Variants in HSD17B2 observed in about 807,000 individuals in gnomAD.
HSD17B2 encodes the protein 17-beta-hydroxysteroid dehydrogenase type 2.
A neutral mutation model predicts 26.9 loss-of-function variants in HSD17B2; 32 were observed. The ratio of observed to expected loss-of-function variants is 1.19; its 90% CI spans 0.90 to 1.60. The LOEUF (loss-of-function observed/expected upper bound fraction) is 1.60. HSD17B2 is among the 40% of genes most tolerant of loss of function. The pLI, the probability that HSD17B2 is intolerant of heterozygous loss-of-function variation, is 0.00. For missense variants in HSD17B2, 613 were observed against 468.6 expected (o/e 1.31, Z -2.85); for synonymous variants, 246 against 186.7 (o/e 1.32, Z -2.59).
At chr16:82,062,146 G>A (rs762548050) in intron 1 of HSD17B2, among the ~76,000 whole-genome samples, 8 of 152,178 alleles carry the variant, frequency 5.3e-5, no homozygotes, top group Non-Finnish European at 1.2e-4. Flanking sequence ...AATTCAAGGT[G>A]ATTCACATTA....
At chr16:82,044,707 G>A (rs1227835032) in intron 1 of HSD17B2, 1 of 152,352 alleles carries the variant, frequency 6.6e-6, no homozygotes, top group East Asian at 1.9e-4. Context: ...TCCCTGGGGG[G>A]AGGAGGGTAG....
chr16:82,094,619 C>G (rs1401527140), intron 4 of HSD17B2: 2 of 152,182 alleles, frequency 1.3e-5, no homozygotes, highest in Admixed American at 1.3e-4. Flanking sequence ...GAGCAGAAGG[C>G]TGAGAACTCA....
At chr16:82,093,361 T>C (rs975313429) in intron 4 of HSD17B2, 1 of 152,236 alleles carries the variant, frequency 6.6e-6, no homozygotes, top group Non-Finnish European at 1.5e-5. Context: ...GGAATCAATA[T>C]GTATGTATCC....
chr16:82,097,974 G>C (rs1001204620), intron 4 of HSD17B2, 101 bp from the exon 5 acceptor site: 7 of 1,091,728 alleles, frequency 6.4e-6, no homozygotes, highest in Non-Finnish European at 9.0e-6. Context: ...ATAAATAAAC[G>C]TCATTTGCAA....
intron 3 of HSD17B2, among the ~76,000 whole-genome samples, chr16:82,087,277 A>C (rs779774347): frequency 1.9e-4 from 29 of 152,230 alleles, no homozygotes; most frequent in Non-Finnish European, 1.5e-5. Flanking sequence ...AAAAAAGTAG[A>C]ATTCACATTA....
Position 82,068,193 on chromosome 16 carries a change from G to T in HSD17B2, c.289G>T (p.Ala97Ser), listed in dbSNP as rs1355305779. ...VTGGDCGLGH[A>S]LCKYLDELGF... ...AGGTGGTGATTGCGGGCTTGGCCAT[G>T]CTTTGTGCAAGTATCTGGATGAGCT... Residue 97 changes from alanine (A) to serine (S), a missense_variant, in exon 2 of 5, where the codon GCT (alanine) becomes TCT (serine). Coordinates refer to ENST00000199936, the MANE Select transcript of HSD17B2 (RefSeq NM_002153.3). The T allele has an allele frequency of 3.1e-6, 5 of 1,614,182 alleles. No individual in the cohort carries two copies. The South Asian group carries it at 5.5e-5, about 18-fold the overall frequency.
intron 2 of HSD17B2, among the ~76,000 whole-genome samples, chr16:82,068,881 A>C (rs532774727): frequency 2.6e-4 from 39 of 152,304 alleles, no homozygotes; most frequent in African/African-American, 9.4e-4. Context: ...AAAGCTAATC[A>C]GAATTAGCCT....
In HSD17B2 at chr16:82,098,252, A is replaced by G; in HGVS notation, c.980A>G (p.His327Arg). The change falls in exon 5 of 5, where the codon CAT becomes CGT. Residue 327 changes from histidine to arginine, a missense_variant. Transcript: ENST00000199936. ...DFSPVLRDIQ[H>R]AILAKSPFAY... ...TCTCCGGTGCTGCGGGACATCCAGC[A>G]TGCTATCTTGGCGAAGAGCCCTTTT... 6.2e-7 allele frequency: 1 copy of G among 1,614,210 alleles called. No homozygotes were observed. Among genetic ancestry groups the G allele is most frequent in the Non-Finnish European group, 8.5e-7 (1 of 1,180,018 alleles).
intron 3 of HSD17B2, among the ~76,000 whole-genome samples, chr16:82,086,023 G>C (rs533371389): frequency 7.2e-5 from 11 of 152,060 alleles, no homozygotes; most frequent in African/African-American, 2.2e-4. Flanking sequence ...TTATACTACT[G>C]GTAGAAATAT....
At chr16:82,045,038 G>T (rs746354335) in intron 1 of HSD17B2, among the ~76,000 whole-genome samples, 1 of 145,112 alleles carries the variant, frequency 6.9e-6, no homozygotes, top group Non-Finnish European at 1.5e-5. Context: ...CAGGAAAATC[G>T]CTTGAACATG....
intron 1 of HSD17B2, among the ~76,000 whole-genome samples, chr16:82,067,642 G>A (rs1193474152): frequency 6.6e-6 from 1 of 152,294 alleles, no homozygotes; most frequent in African/African-American, 2.4e-5. Context: ...GGCCCAGGAG[G>A]GTGAGAAACA....
chr16:82,090,242 G>A (rs1376303139), intron 3 of HSD17B2: 2 of 970,034 alleles, frequency 2.1e-6, no homozygotes, highest in African/African-American at 1.8e-5. Context: ...AGGTATGTTG[G>A]TCAGGCTAGA....
intron 3 of HSD17B2, among the ~76,000 whole-genome samples, chr16:82,075,924 A>AAG (rs397810064): frequency 1.3e-5 from 2 of 150,646 alleles, no homozygotes; most frequent in African/African-American, 2.4e-5. Context: ...AAAAAAAAAA[A>AAG]GAAAAGAAAA....
chr16:82,042,608 A>G (rs73600767), intron 1 of HSD17B2, among the ~76,000 whole-genome samples: 1 of 151,406 alleles, frequency 6.6e-6, no homozygotes, highest in African/African-American at 2.4e-5. Context: ...TTCTTATATT[A>G]TATTTTATTT....
At chr16:82,061,037 G>A (rs1293126757) in intron 1 of HSD17B2, among the ~76,000 whole-genome samples, 1 of 152,126 alleles carries the variant, frequency 6.6e-6, no homozygotes, top group African/African-American at 2.4e-5. Context: ...GAGGCAGGTA[G>A]ATCATGAGAT....
At chr16:82,074,309 G>C (rs1914764306) in intron 3 of HSD17B2, among the ~76,000 whole-genome samples, 2 of 152,092 alleles carry the variant, frequency 1.3e-5, no homozygotes, top group South Asian at 2.1e-4. Context: ...ATCCAGTTTT[G>C]AATCTTCATG....
chr16:82,093,296 G>A (rs1330056712), intron 4 of HSD17B2: 2 of 152,142 alleles, frequency 1.3e-5, no homozygotes, highest in Admixed American at 6.5e-5. Context: ...TCTTTGTAGA[G>A]TCACATCCAG....
At chr16:82,063,900 T>A (rs534384036) in intron 1 of HSD17B2, among the ~76,000 whole-genome samples, 2 of 152,284 alleles carry the variant, frequency 1.3e-5, no homozygotes, top group South Asian at 2.1e-4. Context: ...GCAGTTAAAC[T>A]AACCACAAAA....
chr16:82,059,393 C>T (rs1914367364), intron 1 of HSD17B2, among the ~76,000 whole-genome samples: 1 of 152,228 alleles, frequency 6.6e-6, no homozygotes, highest in Non-Finnish European at 1.5e-5. Flanking sequence ...TTGAGAATCG[C>T]TTTCCTGCAT....
Sources: allele counts gnomAD v4.1 joint callset (sites outside exome capture counted in the v4.1 genomes callset), GRCh38; gene constraint gnomAD v4.1.1; transcripts MANE v1.5; gene names NCBI Gene and HGNC (gene_info 2026-07-23, HGNC 2026-07-21).